Variants in PCNT observed in about 807,000 individuals in gnomAD.
The protein encoded by PCNT is pericentrin.
In PCNT, 319 loss-of-function variants were observed where a neutral mutation model predicts 380.4. That is an observed-to-expected ratio of 0.84 (90% confidence interval 0.77 to 0.92). The LOEUF is 0.92. Among genes scored for constraint, PCNT ranks in the 40% least tolerant of loss-of-function variants. The probability of loss-of-function intolerance (pLI) is 0.00; values close to 1 mark genes in which losing one functional copy is unlikely to be tolerated. For synonymous variants in PCNT, 1,845 were observed against 1,735.2 expected (o/e 1.06, Z -1.57); for missense variants, 4,400 against 4,255.3 (o/e 1.03, Z -0.95).
intron 18 of PCNT, 25 bp from the exon 19 acceptor site, chr21:46,389,174 G>A: frequency 6.2e-7 from 1 of 1,604,312 alleles, no homozygotes; most frequent in Non-Finnish European, 8.5e-7. Flanking sequence ...TGAGCCGCGT[G>A]TGCCGGCATC....
At position 46,326,660 on chromosome 21, in the gene PCNT, G is replaced by C. The variant is rs1189867616; in HGVS notation, c.267+71G>C. 3 of 1,489,264 alleles carry C rather than the reference G, an allele frequency of 2.0e-6. No homozygotes were observed. In the African/African-American group the frequency reaches 4.1e-5, roughly 21 times the overall value. The allele number at this position is 1,489,264 out of a possible 1,614,324, so 92.3% of individuals were successfully genotyped here. Reference sequence around the variant, plus strand: ...GTGATTTCTAGTGTGATTTACTAAAGATGGTCTTTGGTCTGTTTTTGCCTT... The same window carrying C: ...GTGATTTCTAGTGTGATTTACTAAACATGGTCTTTGGTCTGTTTTTGCCTT... On this transcript the variant is annotated intron_variant, in intron 2 of 46. Coordinates refer to ENST00000359568, the MANE Select transcript of PCNT (RefSeq NM_006031.6).
chr21:46,347,607 C>T (rs1358836134), intron 6 of PCNT, 95 bp downstream of exon 6: 4 of 1,136,130 alleles, frequency 3.5e-6, no homozygotes, highest in Non-Finnish European at 5.4e-6. Context: ...TTGATTCAGA[C>T]AGAAGCCAGT....
chr21:46,397,313 G>C lies in PCNT; in HGVS notation c.4265G>C (p.Arg1422Thr). The change falls in exon 22 of 47, where the codon AGG (arginine) becomes ACG (threonine). Residue 1422 changes from arginine (R) to threonine (T), a missense_variant. By Grantham distance (71) the Arg-to-Thr change is moderately conservative. Transcript: ENST00000359568. ...EDLTKEQSET[R>T]KQAEKDRSAL... ...CTGACCAAAGAACAGTCGGAGACCA[G>C]GAAGCAGGCTGAGAAGGACCGCTCA... 6.2e-7 allele frequency: 1 copy of C among 1,614,098 alleles called. No individual in the cohort carries two copies. The highest frequency in any genetic ancestry group is 8.5e-7 in the Non-Finnish European group (1 of 1,180,028).
In PCNT at chr21:46,398,236, A is replaced by G; in HGVS notation, c.4565A>G (p.Gln1522Arg). 1.9e-6 allele frequency: 3 copies of G among 1,607,852 alleles called. No homozygotes were observed. The highest frequency in any genetic ancestry group is 2.5e-6 in the Non-Finnish European group (3 of 1,178,178). The change falls in exon 24 of 47, where the codon CAG becomes CGG. Residue 1522 changes from glutamine (Q) to arginine (R), a missense_variant and splice_region_variant. By Grantham distance (43) the Gln-to-Arg change is conservative. Coordinates refer to ENST00000359568, the MANE Select transcript of PCNT (RefSeq NM_006031.6). ...CTTCCATGTACATGAAATCGGCAGC[A>G]GGCGCCGCTGGATGGAGAGGTGAGG... ...PQPWGPRDSQ[Q>R]APLDGEVELL...
chr21:46,383,734 G>A (rs1206519741), intron 16 of PCNT, among the ~76,000 whole-genome samples: 1 of 145,744 alleles, frequency 6.9e-6, no homozygotes, highest in Non-Finnish European at 1.5e-5. Context: ...AGTGATGGAA[G>A]CGCATTCACA....
intron 3 of PCNT, among the ~76,000 whole-genome samples, chr21:46,341,611 C>A (rs1424897961): frequency 6.6e-6 from 1 of 152,068 alleles, no homozygotes; most frequent in African/African-American, 2.4e-5. Flanking sequence ...AAGCCATTCT[C>A]CTGCCTCGGC....
chr21:46,386,400 T>C (rs989559976), intron 17 of PCNT, among the ~76,000 whole-genome samples: 2 of 152,256 alleles, frequency 1.3e-5, no homozygotes, highest in African/African-American at 4.8e-5. Context: ...TCGTGCCTCA[T>C]GCATCTCTCT....
chr21:46,431,597 G>C lies in PCNT; in HGVS notation c.8133G>C (p.Glu2711Asp). 1 of 1,614,078 alleles carries C rather than the reference G, an allele frequency of 6.2e-7. No homozygotes were observed. Among genetic ancestry groups the C allele is most frequent in the Non-Finnish European group, 8.5e-7 (1 of 1,179,956 alleles). The change falls in exon 38 of 47, where the codon GAG becomes GAC. Residue 2711 changes from glutamate (E) to aspartate (D), a missense_variant. Physicochemically the swap from Glu to Asp is conservative, Grantham distance 45 (BLOSUM62 2). Transcript: ENST00000359568. ...GACTCTGCGTGGCACTGAAACACGA[G>C]CAGACGGCCAAGGACAACCTGCAGA... ...SSRLCVALKH[E>D]QTAKDNLQKE...
intron 15 of PCNT, among the ~76,000 whole-genome samples, chr21:46,370,292 T>C (rs2085073142): frequency 6.6e-6 from 1 of 151,968 alleles, no homozygotes; most frequent in Non-Finnish European, 1.5e-5. Context: ...TCTGGTCTGG[T>C]CTGCAGGCAG....
Position 46,354,138 on chromosome 21 carries a change from T to G in PCNT, c.1761+70T>G, listed in dbSNP as rs569121439. The G allele has an allele frequency of 1.9e-4, 248 of 1,322,240 alleles. 1 individual carries two copies. The highest frequency in any genetic ancestry group is 1.4e-3 in the South Asian group (116 of 84,050). The allele number at this position is 1,322,240 out of a possible 1,614,324, so 81.9% of individuals were successfully genotyped here. A position where few individuals can be genotyped will look rare whatever the true frequency, so the allele number is the denominator to read the frequency against. ...ACCTTCCAGCCCTGCGTCTTCCACA[T>G]TATAGAGCCTGTGTTTCCGTCCTTC... On this transcript the variant is annotated intron_variant, in intron 11 of 46. Transcript: ENST00000359568.
chr21:46,392,895 T>A (rs1447404723), intron 21 of PCNT, among the ~76,000 whole-genome samples: 2 of 152,252 alleles, frequency 1.3e-5, no homozygotes, highest in Non-Finnish European at 2.9e-5. Context: ...TCCTTTTATT[T>A]TAAGTCTTTT....
At chr21:46,370,771 C>T (rs890590236) in intron 15 of PCNT, among the ~76,000 whole-genome samples, 3 of 152,208 alleles carry the variant, frequency 2.0e-5, no homozygotes, top group African/African-American at 7.2e-5. Context: ...CGCGGTGGCT[C>T]ACGCCTGTAA....
chr21:46,415,663 G>C (rs571128207), intron 29 of PCNT, among the ~76,000 whole-genome samples: 1 of 152,098 alleles, frequency 6.6e-6, no homozygotes, highest in African/African-American at 2.4e-5. Context: ...GATTACAGGC[G>C]TGAGCCACTG....
rs112063519 is a variant in PCNT, at chr21:46,402,504, G to A, written c.5115+21G>A. ...TGAAGGTAAGCTACCAAAGGTCCAC[G>A]TGACGCCCGAGTTCATGTTGCTTAT... On this transcript the variant is annotated intron_variant, in intron 27 of 46. Coordinates refer to ENST00000359568, the MANE Select transcript of PCNT (RefSeq NM_006031.6). The A allele has an allele frequency of 2.9e-4, 473 of 1,613,482 alleles. 3 individuals carry two copies. The African/African-American group carries it at 4.0e-3, about 14-fold the overall frequency.
chr21:46,403,438 A>T (rs1298411139), intron 27 of PCNT, among the ~76,000 whole-genome samples: 1 of 134,172 alleles, frequency 7.5e-6, no homozygotes, highest in African/African-American at 2.9e-5. Flanking sequence ...AGCGTGGGAG[A>T]ATTGTGTGTG....
In PCNT at chr21:46,425,473, G is replaced by A. The variant is rs1415966253; in HGVS notation, c.7180-358G>A. ...TGTGATATGTTTGTGATCTCGCTGTGGACATTGGCCTAAAGCCCTGCCCTG... is the reference window on the plus strand; with the variant it reads ...TGTGATATGTTTGTGATCTCGCTGTAGACATTGGCCTAAAGCCCTGCCCTG... On this transcript the variant is annotated intron_variant, in intron 32 of 46. Transcript: ENST00000359568. The surrounding 1 kb of genome is among the most constrained non-coding windows in gnomAD (Gnocchi z 4.2). 1.3e-5 allele frequency among the ~76,000 whole-genome samples: 2 copies of A among 152,234 alleles called. No individual in the cohort carries two copies. Among genetic ancestry groups the A allele is most frequent in the Non-Finnish European group, 2.9e-5 (2 of 68,046 alleles).
rs1013799749 is a variant in PCNT at position 46,445,548 on chromosome 21, C to T, written c.*221C>T. ...CCTCCGTATGTTTTAGGCCCATGAC[C>T]TTCGTGAGGTGACGGGCACTCACTC... is the stretch of plus-strand genomic sequence containing the variant. On this transcript the variant is annotated 3_prime_UTR_variant, in exon 47 of 47. Transcript: ENST00000359568. 2 of 586,080 alleles carry T rather than the reference C, an allele frequency of 3.4e-6. No homozygotes were observed. Among genetic ancestry groups the T allele is most frequent in the Admixed American group, 5.9e-5 (2 of 33,938 alleles). 36.3% of individuals were successfully genotyped at this position (586,080 alleles called of 1,614,324 possible).
intron 21 of PCNT, among the ~76,000 whole-genome samples, chr21:46,394,311 C>G (rs2086135750): frequency 6.6e-6 from 1 of 152,180 alleles, no homozygotes; most frequent in Non-Finnish European, 1.5e-5. Flanking sequence ...CTCTTTGTCT[C>G]CTTGAAAAGT....
chr21:46,435,576 T>A (rs1295859955), intron 38 of PCNT, among the ~76,000 whole-genome samples: 2 of 151,408 alleles, frequency 1.3e-5, no homozygotes, highest in African/African-American at 4.9e-5. Context: ...GGAGTCTCAC[T>A]CTGTTGTCCA....
Sources: gnomAD v4.1 joint callset for allele counts (sites outside exome capture counted in the v4.1 genomes callset) on GRCh38, gnomAD v4.1.1 for gene constraint, Gnocchi (gnomAD v3.1) non-coding constraint, MANE v1.5 for transcripts, NCBI Gene and HGNC (gene_info 2026-07-23, HGNC 2026-07-21) for gene names.